The following SHROOM2 variants were observed in gnomAD, a reference collection of about 807,000 sequenced individuals.
The protein encoded by SHROOM2 is protein Shroom2.
SHROOM2 carries 33 observed loss-of-function variants against 75.9 expected under a neutral mutation model. That is an observed-to-expected ratio of 0.43 (90% CI 0.33 to 0.58). The LOEUF is 0.58. Ranked by LOEUF, SHROOM2 falls within the 20% of genes least tolerant of loss-of-function variation. SHROOM2 has a pLI of 0.04. For missense variants in SHROOM2, 1,434 were observed against 1,461.2 expected, an observed-to-expected ratio of 0.98 and a Z score of 0.30; for synonymous variants, 655 against 663.6, an observed-to-expected ratio of 0.99 and a Z score of 0.20.
At chrX:9,891,937 T>C (rs1304418583) in intron 3 of SHROOM2, among the ~76,000 whole-genome samples, 1 of 110,034 alleles carries the variant, frequency 9.1e-6, no homozygotes, top group African/African-American at 3.3e-5. Flanking sequence ...TTGGAGCTAA[T>C]GTAACCACTC....
At chrX:9,825,355 A>C (rs193198898) in intron 1 of SHROOM2, among the ~76,000 whole-genome samples, 5 of 112,482 alleles carry the variant, frequency 4.4e-5, no homozygotes, top group Admixed American at 3.8e-4. Context: ...TGCTTCACAA[A>C]AGCAATATTT....
At chrX:9,836,245 G>A (rs1247631805) in intron 1 of SHROOM2, among the ~76,000 whole-genome samples, 1 of 112,218 alleles carries the variant, frequency 8.9e-6, no homozygotes, top group African/African-American at 3.2e-5. Context: ...TTGGGTAAAA[G>A]TGGACCATGC....
rs1381514895 is a variant in SHROOM2 at position 9,921,484 on chromosome X, A to T, written c.2892-10691A>T. On this transcript the variant is annotated intron_variant, in intron 5 of 9. Coordinates refer to ENST00000380913, the MANE Select transcript of SHROOM2 (RefSeq NM_001649.4). ...CTTTTTTTTTGTTGTCATTGATAAG[A>T]TCTACCCCCTTAGCAAATTTGTAAA... Among the ~76,000 whole-genome samples the T allele has an allele frequency of 2.7e-5, 3 of 110,658 alleles. No homozygotes were observed. The Admixed American group carries it at 2.9e-4, about 11-fold the overall frequency.
At position 9,878,275 on chromosome X, in the gene SHROOM2, C is replaced by G. The variant is rs192799855; in HGVS notation, c.317+4472C>G. Among the ~76,000 whole-genome samples the G allele has an allele frequency of 3.1e-3, 340 of 111,351 alleles. 2 individuals carry two copies. The highest frequency in any genetic ancestry group is 0.011 in the African/African-American group (328 of 30,622). On this transcript the variant is annotated intron_variant, in intron 2 of 9. Coordinates refer to ENST00000380913, the MANE Select transcript of SHROOM2 (RefSeq NM_001649.4). ...GCGAGTCATTTTGTGGGGGCCAAAT[C>G]GTGGATAGGGTTGATTCATGTCACT...
intron 5 of SHROOM2, among the ~76,000 whole-genome samples, chrX:9,915,440 G>A (rs1237809157): frequency 8.9e-6 from 1 of 112,077 alleles, no homozygotes; most frequent in African/African-American, 3.2e-5. Flanking sequence ...TCTGTCAACA[G>A]GGCTTTGTTG....
At position 9,932,655 on chromosome X, in the gene SHROOM2, G is replaced by C. The variant is rs1344697883; in HGVS notation, c.3372G>C (p.Gln1124His). ...SPSVFSSAQP[Q>H]DTPKATVCER... is the part of the protein sequence containing the mutation. Reference sequence around the variant, plus strand: ...CTGTGTTCAGCAGTGCCCAGCCCCAGGACACCCCGAAGGCCACTGTCTGTG... The same window carrying C: ...CTGTGTTCAGCAGTGCCCAGCCCCACGACACCCCGAAGGCCACTGTCTGTG... The change falls in exon 6 of 10, where the codon CAG becomes CAC. Residue 1124 changes from glutamine to histidine, a missense_variant. Around this residue, in one of 3 missense-constraint regions of SHROOM2, gnomAD observed 1,340 missense variants for 1,338.3 expected, o/e 1.00. Coordinates refer to ENST00000380913, the MANE Select transcript of SHROOM2 (RefSeq NM_001649.4). 1 of 1,210,962 alleles carries C rather than the reference G, an allele frequency of 8.3e-7. No individual in the cohort carries two copies. The highest frequency in any genetic ancestry group is 1.8e-5 in the South Asian group (1 of 56,865).
At position 9,932,829 on chromosome X, in the gene SHROOM2, G is replaced by A. The variant is rs745670934; in HGVS notation, c.3546G>A (p.Thr1182=). Residue 1182 remains threonine, a synonymous_variant, in exon 6 of 10, where the codon ACG becomes ACA. Transcript: ENST00000380913. The part of the protein sequence containing the change: ...PSPQFAPQKL[T]DKPPLLIQDE... ...CCCAGTTCGCCCCCCAGAAACTGAC[G>A]GACAAACCTCCCCTGCTCATCCAGG... 6.1e-5 allele frequency: 73 copies of A among 1,201,635 alleles called. No individual in the cohort carries two copies. The highest frequency in any genetic ancestry group is 7.0e-5 in the African/African-American group (4 of 57,221).
rs2084831194 is a variant in SHROOM2 at position 9,947,376 on chromosome X, A to G, written c.*439A>G. 1 of 133,209 alleles carries G rather than the reference A, an allele frequency of 7.5e-6. No individual in the cohort carries two copies. Among genetic ancestry groups the G allele is most frequent in the Non-Finnish European group, 1.5e-5 (1 of 66,705 alleles). The allele number at this position is 133,209 out of a possible 1,213,427, so 11.0% of individuals were successfully genotyped here. A position where few individuals can be genotyped will look rare whatever the true frequency, so the allele number is the denominator to read the frequency against. ...ATCTTCTCTTGTCATTCATCCAGGC[A>G]TGGGCTGCCAGGTTTTGTCCCTGCT... On this transcript the variant is annotated 3_prime_UTR_variant, in exon 10 of 10. Coordinates refer to ENST00000380913, the MANE Select transcript of SHROOM2 (RefSeq NM_001649.4).
intron 1 of SHROOM2, among the ~76,000 whole-genome samples, chrX:9,838,262 A>C (rs916675850): frequency 7.3e-5 from 8 of 109,460 alleles, no homozygotes; most frequent in African/African-American, 2.3e-4. Flanking sequence ...GGGTTTCACC[A>C]TGTTAGCCAG....
rs546970200 is a variant in SHROOM2 at position 9,799,373 on chromosome X, C to T, written c.165+12663C>T. Among the ~76,000 whole-genome samples, 27 of 109,490 alleles carry T rather than the reference C, an allele frequency of 2.5e-4. No homozygotes were observed. In the South Asian group the frequency reaches 9.9e-3, roughly 40 times the overall value. On this transcript the variant is annotated intron_variant, in intron 1 of 9. Coordinates refer to ENST00000380913, the MANE Select transcript of SHROOM2 (RefSeq NM_001649.4). ...TGGAGATGGGGTTTCGCCATGTTGGCCAGGCTGGTCTCGAACTCCTGACCT... is the reference window on the plus strand; with the variant it reads ...TGGAGATGGGGTTTCGCCATGTTGGTCAGGCTGGTCTCGAACTCCTGACCT...
At chrX:9,797,425 C>G (rs1381041039) in intron 1 of SHROOM2, among the ~76,000 whole-genome samples, 1 of 112,526 alleles carries the variant, frequency 8.9e-6, no homozygotes, top group Non-Finnish European at 1.9e-5. Context: ...CTGTAACAGA[C>G]TATTCTCACA....
intron 1 of SHROOM2, among the ~76,000 whole-genome samples, chrX:9,808,086 C>A (rs1262946378): frequency 1.8e-5 from 2 of 111,290 alleles, no homozygotes; most frequent in Non-Finnish European, 3.8e-5. Context: ...CCAGACTTTG[C>A]CCCGCTTGGA....
At chrX:9,828,339 G>A (rs1018378750) in intron 1 of SHROOM2, among the ~76,000 whole-genome samples, 5 of 112,263 alleles carry the variant, frequency 4.5e-5, no homozygotes, top group African/African-American at 6.5e-5. Context: ...ACACAGAACC[G>A]AACCATATCA....
At position 9,947,153 on chromosome X, in the gene SHROOM2, A is replaced by AATGATACGGCGAC; in HGVS notation, c.*216_*217insATGATACGGCGAC. 1 of 421,520 alleles carries AATGATACGGCGAC rather than the reference A, an allele frequency of 2.4e-6. No individual in the cohort carries two copies. The allele number at this position is 421,520 out of a possible 1,213,427, so 34.7% of individuals were successfully genotyped here. A position where few individuals can be genotyped will look rare whatever the true frequency, so the allele number is the denominator to read the frequency against. On this transcript the variant is annotated 3_prime_UTR_variant, in exon 10 of 10. Coordinates refer to ENST00000380913, the MANE Select transcript of SHROOM2 (RefSeq NM_001649.4). ...TGATTGCTGAGAGCCATTTTCCTTT[A>AATGATACGGCGAC]CACATAACTACACCTGACACCAGGC...
chrX:9,873,779 A>T lies in SHROOM2; in HGVS notation c.293A>T (p.Lys98Met), dbSNP rs781044272. The T allele has an allele frequency of 8.3e-7, 1 of 1,211,395 alleles. No homozygotes were observed. Among genetic ancestry groups the T allele is most frequent in the Non-Finnish European group, 1.1e-6 (1 of 895,285 alleles). The change falls in exon 2 of 10, where the codon AAG (lysine) becomes ATG (methionine). Residue 98 changes from lysine to methionine, a missense_variant. Lys to Met is a moderately conservative substitution (Grantham distance 95). Coordinates refer to ENST00000380913, the MANE Select transcript of SHROOM2 (RefSeq NM_001649.4). The stretch of plus-strand genomic sequence containing the variant: ...ATTTGCCTGGTGAAGGGGTCCCATA[A>T]GACCCTGAAGCTGGTCGTCAAAAGG... ...EAICLVKGSH[K>M]TLKLVVKRRS...
chrX:9,838,057 G>GTTTTT (rs573554791), intron 1 of SHROOM2, among the ~76,000 whole-genome samples: 3 of 75,792 alleles, frequency 4.0e-5, no homozygotes, highest in African/African-American at 1.2e-4. Flanking sequence ...TGTGTGTGTG[G>GTTTTT]TTTTTTTTTT....
chrX:9,890,893 C>T (rs963430802), intron 2 of SHROOM2, 84 bp from the exon 3 acceptor site: 4 of 989,286 alleles, frequency 4.0e-6, no homozygotes, highest in African/African-American at 3.8e-5. Context: ...TGTGTGCGGT[C>T]CCCAAGCCCC....
chrX:9,827,448 G>A (rs774680774), intron 1 of SHROOM2, among the ~76,000 whole-genome samples: 3 of 108,555 alleles, frequency 2.8e-5, no homozygotes, highest in Admixed American at 2.0e-4. Flanking sequence ...CAAAGCTCAT[G>A]GTGAACATTG....
chrX:9,809,382 T>C (rs1314339234), intron 1 of SHROOM2, among the ~76,000 whole-genome samples: 1 of 111,153 alleles, frequency 9.0e-6, no homozygotes, highest in Non-Finnish European at 1.9e-5. Flanking sequence ...CAGATCTGCC[T>C]TCCCCAGCCC....
Sources: gnomAD v4.1 joint callset for allele counts (sites outside exome capture counted in the v4.1 genomes callset) on GRCh38, gnomAD v4.1.1 for gene constraint, gnomAD v4.1.1 regional missense constraint, MANE v1.5 for transcripts, NCBI Gene and HGNC (gene_info 2026-07-23, HGNC 2026-07-21) for gene names.